Variants in WDR86 observed in about 807,000 individuals in gnomAD.
WDR86 encodes WD repeat-containing protein 86.
Under a neutral mutation model 36.5 loss-of-function variants are expected in WDR86, and 30 were observed. That is an observed-to-expected ratio of 0.82 (90% CI 0.61 to 1.11). The LOEUF is 1.11. Ranked by LOEUF, WDR86 falls within the 50% of genes most tolerant of loss-of-function variation. The probability of loss-of-function intolerance (pLI) is 0.00; values close to 1 mark genes in which losing one functional copy is unlikely to be tolerated. For missense variants in WDR86, 545 were observed against 561.2 expected (o/e 0.97, Z 0.29); for synonymous variants, 255 against 252.9 (o/e 1.01, Z -0.08).
At chr7:151,393,391 C>G (rs544691981) in intron 3 of WDR86, among the ~76,000 whole-genome samples, 1 of 152,274 alleles carries the variant, frequency 6.6e-6, no homozygotes, top group Admixed American at 6.5e-5. Context: ...CTCCCACTCT[C>G]CAGGAAGAAC....
intron 3 of WDR86, 162 bp from the exon 4 acceptor site, chr7:151,385,385 G>T: frequency 1.6e-6 from 2 of 1,281,024 alleles, no homozygotes; most frequent in Non-Finnish European, 2.1e-6. Flanking sequence ...GCCCACTTCA[G>T]CACCCAAAAG....
chr7:151,391,764 A>G (rs1234846457), intron 3 of WDR86, among the ~76,000 whole-genome samples: 1 of 152,052 alleles, frequency 6.6e-6, no homozygotes, highest in African/African-American at 2.4e-5. Context: ...GATTAGGGAG[A>G]TGGCGGGAAC....
intron 3 of WDR86, among the ~76,000 whole-genome samples, chr7:151,387,389 A>G (rs1211063664): frequency 6.6e-6 from 1 of 152,056 alleles, no homozygotes; most frequent in African/African-American, 2.4e-5. Flanking sequence ...CCTGCCGAAC[A>G]TGAGCCAGAG....
rs777157145 is a variant in WDR86, at chr7:151,381,983, T to C, written c.863-2A>G. Reference sequence around the variant, plus strand: ...AAGCGTCCCCGCTGCCCGTGAACACTGCGGACACACAGCGCGCGCTGGGCC... The same window carrying C: ...AAGCGTCCCCGCTGCCCGTGAACACCGCGGACACACAGCGCGCGCTGGGCC... On this transcript the variant is annotated splice_acceptor_variant, in intron 4 of 5. Transcript: ENST00000334493. LOFTEE classifies it high-confidence loss of function. The surrounding 1 kb of genome is among the most constrained non-coding windows in gnomAD (Gnocchi z 4.8). 9 of 1,598,502 alleles carry C rather than the reference T, an allele frequency of 5.6e-6. No homozygotes were observed. In the South Asian group the frequency reaches 6.8e-5, roughly 12 times the overall value.
chr7:151,372,156 T>C (rs1433385326), downstream of WDR86, among the ~76,000 whole-genome samples: 1 of 152,254 alleles, frequency 6.6e-6, no homozygotes, highest in Non-Finnish European at 1.5e-5. Context: ...GTAGCCTTCC[T>C]AAGAGGCCAT....
chr7:151,379,860 G>C (rs1017905028), downstream of WDR86, among the ~76,000 whole-genome samples: 16 of 152,258 alleles, frequency 1.1e-4, no homozygotes, highest in African/African-American at 3.6e-4. Context: ...CAGTGTCTTC[G>C]GCAAGCAGGA....
chr7:151,379,368 C>T (rs1241436870), downstream of WDR86, among the ~76,000 whole-genome samples: 2 of 152,182 alleles, frequency 1.3e-5, no homozygotes, highest in Non-Finnish European at 2.9e-5. Flanking sequence ...ATGCTGATCA[C>T]GGCCTTACCC....
At chr7:151,375,722 C>A, downstream of WDR86, 1 of 656,220 alleles carries the variant, frequency 1.5e-6, no homozygotes. Context: ...TGAGTGGGAG[C>A]CCCTTTCTCT....
At chr7:151,379,100 CAG>C (rs1459434174), downstream of WDR86, among the ~76,000 whole-genome samples, 1 of 152,090 alleles carries the variant, frequency 6.6e-6, no homozygotes, top group Non-Finnish European at 1.5e-5. Flanking sequence ...CTTGGGGAGT[CAG>C]AGGAAAAAGC....
chr7:151,408,620 G>A, intron 1 of WDR86: 1 of 260,306 alleles, frequency 3.8e-6, no homozygotes, highest in Non-Finnish European at 7.8e-6. Flanking sequence ...AAAAGCCCGC[G>A]GTGATAAAGA....
intron 3 of WDR86, among the ~76,000 whole-genome samples, chr7:151,389,386 C>G (rs1799240388): frequency 1.3e-5 from 2 of 152,204 alleles, no homozygotes; most frequent in South Asian, 4.1e-4. Context: ...TCAAAGAAGC[C>G]TGACCTGTGT....
chr7:151,378,575 A>T (rs2150732823), downstream of WDR86: 2 of 152,316 alleles, frequency 1.3e-5, no homozygotes, highest in South Asian at 4.1e-4. Flanking sequence ...TGAGGAGATG[A>T]TGGAAGGATG....
intron 3 of WDR86, 192 bp from the exon 4 acceptor site, chr7:151,385,415 C>A: frequency 1.0e-6 from 1 of 974,674 alleles, no homozygotes; most frequent in Non-Finnish European, 1.5e-6. Context: ...GCTCCTGCCC[C>A]ATGGGGCAGC....
chr7:151,393,995 C>T (rs1444179116), intron 3 of WDR86, among the ~76,000 whole-genome samples: 2 of 152,182 alleles, frequency 1.3e-5, no homozygotes. Context: ...CCTGACCTTC[C>T]CTTCTTTCCT....
chr7:151,396,121 C>T lies in WDR86; in HGVS notation c.381G>A (p.Gly127=). The T allele has an allele frequency of 6.2e-7, 1 of 1,612,918 alleles. No individual in the cohort carries two copies. The highest frequency in any genetic ancestry group is 8.5e-7 in the Non-Finnish European group (1 of 1,179,894). ...GGCCCCGGAACTCCCGGGACATCTG[C>T]CCCTTGTCCACACTCCAGACCCGAG... ...RTARVWSVDK[G]QMSREFRGHR... is the part of the protein sequence containing the mutation. The change falls in exon 3 of 6, where the codon GGG becomes GGA. Residue 127 remains glycine (G), a synonymous_variant. Transcript: ENST00000334493.
chr7:151,381,348 C>G lies in WDR86; in HGVS notation c.*234G>C. The G allele has an allele frequency of 7.1e-7, 1 of 1,403,330 alleles. No homozygotes were observed. The highest frequency in any genetic ancestry group is 3.0e-5 in the East Asian group (1 of 32,934). The allele number at this position is 1,403,330 out of a possible 1,614,324, so 86.9% of individuals were successfully genotyped here. A position where few individuals can be genotyped will look rare whatever the true frequency, so the allele number is the denominator to read the frequency against. ...CCAGGTCAGGGATGGGGAGGGAGGA[C>G]AGGAGCCACCCTAAAAGGGAAAAGG... On this transcript the variant is annotated 3_prime_UTR_variant, in exon 6 of 6. Transcript: ENST00000334493. This position sits in a 1 kb window ranked among gnomAD's most constrained non-coding sequence, Gnocchi z 4.8.
downstream of WDR86, chr7:151,374,192 G>T: frequency 6.4e-7 from 1 of 1,572,398 alleles, no homozygotes; most frequent in Non-Finnish European, 8.6e-7. Flanking sequence ...CCACGCACGC[G>T]GCCCAGCAGG....
rs752162487 is a variant in WDR86 at position 151,381,917 on chromosome 7, C to T, written c.927G>A (p.Arg309=). 32 of 1,610,436 alleles carry T rather than the reference C, an allele frequency of 2.0e-5. No individual in the cohort carries two copies. Among genetic ancestry groups the T allele is most frequent in the Middle Eastern group, 1.6e-4 (1 of 6,080 alleles). ...TGATGAATGTGTGGCCCCGGAACAC[C>T]CTCCGCAGCTCTCCAGACTGCGCGT... ...AFDAQSGELR[R]VFRGHTFIIN... The change falls in exon 5 of 6, where the codon AGG becomes AGA. Residue 309 remains arginine (R), a synonymous_variant. Transcript: ENST00000334493. The surrounding 1 kb of genome is among the most constrained non-coding windows in gnomAD (Gnocchi z 4.8).
At chr7:151,396,648 G>T (rs116257070) in intron 2 of WDR86, among the ~76,000 whole-genome samples, 1,869 of 151,254 alleles carry the variant, frequency 0.012, 33 homozygotes, top group African/African-American at 0.043. Context: ...GGGCAGAGTG[G>T]GACACGCTGG....
Sources: gnomAD v4.1 joint callset for allele counts (sites outside exome capture counted in the v4.1 genomes callset) on GRCh38, gnomAD v4.1.1 for gene constraint, Gnocchi (gnomAD v3.1) non-coding constraint, MANE v1.5 for transcripts, NCBI Gene and HGNC (gene_info 2026-07-23, HGNC 2026-07-21) for gene names.